Variants in GLI1 observed in about 807,000 individuals in gnomAD.
The protein encoded by GLI1 is GLI family zinc finger 1.
In GLI1, 51 loss-of-function variants were observed where a neutral mutation model predicts 87.8. The observed-to-expected ratio is 0.58, with a 90% confidence interval of 0.46 to 0.73. The LOEUF is 0.73. Among genes scored for constraint, GLI1 ranks in the 30% least tolerant of loss-of-function variants. The pLI, the probability that GLI1 is intolerant of heterozygous loss-of-function variation, is 0.00. For missense variants in GLI1, 1,292 were observed against 1,437.2 expected, an observed-to-expected ratio of 0.90 and a Z score of 1.63; for synonymous variants, 528 against 558.2, an observed-to-expected ratio of 0.95 and a Z score of 0.76.
At chr12:57,463,087 ACAGGCAAAGCTCCCACC>A (rs894190344) in intron 1 of GLI1, among the ~76,000 whole-genome samples, 18 of 152,180 alleles carry the variant, frequency 1.2e-4, no homozygotes, top group South Asian at 2.1e-4. Flanking sequence ...CACAGACCAC[ACAGGCAAAGCTCCCACC>A]CAGGCAAAGC....
intron 5 of GLI1, 162 bp from the exon 6 acceptor site, chr12:57,465,444 GC>G: frequency 1.4e-6 from 1 of 738,634 alleles, no homozygotes; most frequent in Non-Finnish European, 2.2e-6. Flanking sequence ...CCCACCTTTT[GC>G]CCATCCCATT....
chr12:57,462,109 T>G (rs1195890005), intron 1 of GLI1, among the ~76,000 whole-genome samples: 5 of 152,064 alleles, frequency 3.3e-5, no homozygotes, highest in African/African-American at 7.2e-5. Context: ...TGGGGGAGTC[T>G]CTAGTGTTTG....
Position 57,470,366 on chromosome 12 carries a change from C to T in GLI1, c.1626C>T (p.Arg542=), listed in dbSNP as rs1871794484. Residue 542 remains arginine, a synonymous_variant, in exon 12 of 12, where the codon CGC becomes CGT. Transcript: ENST00000228682. ...GCCCCCCAGTCTCTCTTGAACGCCG[C>T]AGCAGCAGCTCCAGCAGCATCAGCT... ...RVGPPVSLER[R]SSSSSSISSA... The T allele has an allele frequency of 6.2e-6, 10 of 1,608,926 alleles. No individual in the cohort carries two copies. Among genetic ancestry groups the T allele is most frequent in the Non-Finnish European group, 8.5e-6 (10 of 1,177,156 alleles).
At position 57,471,956 on chromosome 12, in the gene GLI1, A is replaced by C; in HGVS notation, c.3216A>C (p.Gly1072=). 2 of 1,609,134 alleles carry C rather than the reference A, an allele frequency of 1.2e-6. No individual in the cohort carries two copies. Among genetic ancestry groups the C allele is most frequent in the Non-Finnish European group, 1.7e-6 (2 of 1,177,626 alleles). The stretch of plus-strand genomic sequence containing the variant: ...CCCATGATCAGCGGGGCAGCTCTGG[A>C]CATACCCCACCTCCCTCTGGGCCCC... ...PPSHDQRGSS[G]HTPPPSGPPN... The change falls in exon 12 of 12, where the codon GGA becomes GGC. Residue 1072 remains glycine, a synonymous_variant. Transcript: ENST00000228682. This position sits in a 1 kb window ranked among gnomAD's most constrained non-coding sequence, Gnocchi z 4.9.
rs961554134 is a variant in GLI1 at position 57,469,329 on chromosome 12, C to T, written c.1309-102C>T. ...TAGCCCTTTCTACACTTACAAGCTT[C>T]CTTGGAACCCCAGCAGTCACTGGGA... On this transcript the variant is annotated intron_variant, in intron 10 of 11. Coordinates refer to ENST00000228682, the MANE Select transcript of GLI1 (RefSeq NM_005269.3). 2.6e-5 allele frequency: 31 copies of T among 1,205,556 alleles called. No individual in the cohort carries two copies. The African/African-American group carries it at 3.5e-4, about 13-fold the overall frequency. 74.7% of individuals were successfully genotyped at this position (1,205,556 alleles called of 1,614,324 possible).
Position 57,470,782 on chromosome 12 carries a change from C to T in GLI1, c.2042C>T (p.Pro681Leu), listed in dbSNP as rs974867444. The change falls in exon 12 of 12, where the codon CCA becomes CTA. Residue 681 changes from proline to leucine, a missense_variant. Pro to Leu is a moderately conservative substitution (Grantham distance 98). Around this residue, in one of 3 missense-constraint regions of GLI1, gnomAD observed 897 missense variants for 1,040.7 expected, o/e 0.86. Coordinates refer to ENST00000228682, the MANE Select transcript of GLI1 (RefSeq NM_005269.3). ...GGGQNFDPYL[P>L]TSVYSPQPPS... ...GGACAGAACTTTGATCCTTACCTCCCAACCTCTGTCTACTCACCACAGCCC... is the reference window on the plus strand; with the variant it reads ...GGACAGAACTTTGATCCTTACCTCCTAACCTCTGTCTACTCACCACAGCCC... The T allele has an allele frequency of 1.2e-6, 2 of 1,613,162 alleles. No individual in the cohort carries two copies. Among genetic ancestry groups the T allele is most frequent in the Non-Finnish European group, 1.7e-6 (2 of 1,179,624 alleles).
rs572499706 is a variant in GLI1, at chr12:57,469,655, A to G, written c.1533A>G (p.Pro511=). The G allele has an allele frequency of 2.5e-6, 4 of 1,613,976 alleles. No homozygotes were observed. Among genetic ancestry groups the G allele is most frequent in the East Asian group, 4.5e-5 (2 of 44,886 alleles). ...LRLDQLHQLR[P]IGTRGLKLPS... is the part of the protein sequence containing the mutation. ...TGGACCAGCTACATCAACTCCGGCC[A>G]ATAGGGACCCGGGGTCTCAAACTGC... is the stretch of plus-strand genomic sequence containing the variant. Residue 511 remains proline (P), a synonymous_variant, in exon 11 of 12, where the codon CCA becomes CCG. Coordinates refer to ENST00000228682, the MANE Select transcript of GLI1 (RefSeq NM_005269.3).
chr12:57,471,281 C>G lies in GLI1; in HGVS notation c.2541C>G (p.Leu847=). The part of the protein sequence containing the change: ...PSEGPPHPQP[L]FSHYPQPSPP... ...AGGGGCCCCCACATCCACAGCCTCT[C>G]TTTTCCCATTACCCCCAGCCCTCTC... Residue 847 remains leucine (L), a synonymous_variant, in exon 12 of 12, where the codon CTC becomes CTG. Transcript: ENST00000228682. This position sits in a 1 kb window ranked among gnomAD's most constrained non-coding sequence, Gnocchi z 4.9. The G allele has an allele frequency of 6.3e-7, 1 of 1,592,904 alleles. No homozygotes were observed. The highest frequency in any genetic ancestry group is 8.5e-7 in the Non-Finnish European group (1 of 1,169,686).
chr12:57,459,922 G>C lies in GLI1; in HGVS notation c.-307G>C, dbSNP rs1019409876. Among the ~76,000 whole-genome samples, 1 of 152,174 alleles carries C rather than the reference G, an allele frequency of 6.6e-6. No individual in the cohort carries two copies. The highest frequency in any genetic ancestry group is 2.4e-5 in the African/African-American group (1 of 41,440). The stretch of plus-strand genomic sequence containing the variant: ...CGGCAAGAGGGAGGGAAATAGAAGG[G>C]AGGTGAGGGGCGAGCGGGAAGAGCG... On this transcript the variant is annotated 5_prime_UTR_variant, in exon 1 of 12. Transcript: ENST00000228682.
chr12:57,468,141 A>C lies in GLI1; in HGVS notation c.1225A>C (p.Ile409Leu), dbSNP rs76639319. 1 of 1,614,176 alleles carries C rather than the reference A, an allele frequency of 6.2e-7. No homozygotes were observed. The highest frequency in any genetic ancestry group is 1.3e-5 in the African/African-American group (1 of 75,040). ...GDGPLPRAPS[I>L]STVEPKRERE... The stretch of plus-strand genomic sequence containing the variant: ...TGGCCCCCTGCCTCGGGCACCATCC[A>C]TTTCTACAGTGGAGCCCAAGAGGGA... Residue 409 changes from isoleucine (I) to leucine (L), a missense_variant, in exon 10 of 12, where the codon ATT becomes CTT. Ile to Leu is a conservative substitution (Grantham distance 5, BLOSUM62 2). Coordinates refer to ENST00000228682, the MANE Select transcript of GLI1 (RefSeq NM_005269.3).
At chr12:57,469,031 C>T (rs572825130) in intron 10 of GLI1, among the ~76,000 whole-genome samples, 3 of 152,268 alleles carry the variant, frequency 2.0e-5, no homozygotes, top group South Asian at 2.1e-4. Context: ...GGATTACAGG[C>T]GTGAGCCACT....
chr12:57,469,448 T>C lies in GLI1; in HGVS notation c.1326T>C (p.Pro442=). 2.5e-6 allele frequency: 4 copies of C among 1,613,938 alleles called. No homozygotes were observed. Among genetic ancestry groups the C allele is most frequent in the Non-Finnish European group, 3.4e-6 (4 of 1,180,000 alleles). The change falls in exon 11 of 12, where the codon CCT becomes CCC. Residue 442 remains proline, a synonymous_variant. Transcript: ENST00000228682. ...PEGAMKPQPS[P]GAQSSCSSDH... Reference sequence around the variant, plus strand: ...CTCCACAGAAGCCACAGCCAAGCCCTGGGGCCCAGTCATCCTGCAGCAGTG... The same window carrying C: ...CTCCACAGAAGCCACAGCCAAGCCCCGGGGCCCAGTCATCCTGCAGCAGTG...
intron 4 of GLI1, 76 bp downstream of exon 4, chr12:57,464,944 C>A: frequency 7.7e-7 from 1 of 1,291,090 alleles, no homozygotes. Context: ...CCTCAAACTA[C>A]CTAACCCTAT....
At chr12:57,468,636 C>T (rs1391810341) in intron 10 of GLI1, among the ~76,000 whole-genome samples, 5 of 151,958 alleles carry the variant, frequency 3.3e-5, no homozygotes, top group African/African-American at 1.2e-4. Context: ...GCTAATTTTT[C>T]TTCTTTTTAG....
Position 57,466,303 on chromosome 12 carries a change from T to C in GLI1, c.826T>C (p.Ser276Pro). ...GTTCGTGTGCCACTGGGGGGGCTGC[T>C]CCAGGGAGCTGAGGCCCTTCAAAGC... ...KEFVCHWGGC[S>P]RELRPFKAQY... is the part of the protein sequence containing the mutation. Residue 276 changes from serine to proline, a missense_variant, in exon 8 of 12, where the codon TCC becomes CCC. By Grantham distance (74) the Ser-to-Pro change is moderately conservative. Transcript: ENST00000228682. The C allele has an allele frequency of 6.2e-7, 1 of 1,613,920 alleles. No homozygotes were observed. The highest frequency in any genetic ancestry group is 8.5e-7 in the Non-Finnish European group (1 of 1,179,908).
At chr12:57,465,293 T>C in intron 5 of GLI1, 38 bp downstream of exon 5, 1 of 1,329,206 alleles carries the variant, frequency 7.5e-7, no homozygotes, top group Non-Finnish European at 1.1e-6. Flanking sequence ...TTCCCTCAGC[T>C]CAGGGTGGGT....
Position 57,463,981 on chromosome 12 carries a change from G to C in GLI1, c.101-18G>C. 1 of 1,578,658 alleles carries C rather than the reference G, an allele frequency of 6.3e-7. No individual in the cohort carries two copies. Among genetic ancestry groups the C allele is most frequent in the Non-Finnish European group, 8.7e-7 (1 of 1,147,796 alleles). ...TTATGTATCCTCCATTCCCATTCCA[G>C]CTGTCTCTTTTTTCTAGGACTGTCT... On this transcript the variant is annotated intron_variant, in intron 2 of 11. Coordinates refer to ENST00000228682, the MANE Select transcript of GLI1 (RefSeq NM_005269.3).
rs1482594138 is a variant in GLI1 at position 57,459,818 on chromosome 12, G to A, written c.-411G>A. Among the ~76,000 whole-genome samples the A allele has an allele frequency of 6.6e-6, 1 of 150,758 alleles. No homozygotes were observed. The highest frequency in any genetic ancestry group is 1.5e-5 in the Non-Finnish European group (1 of 67,618). On this transcript the variant is annotated 5_prime_UTR_variant, in exon 1 of 12. Coordinates refer to ENST00000228682, the MANE Select transcript of GLI1 (RefSeq NM_005269.3). Reference sequence around the variant, plus strand: ...TATAGGGTCCCTCAAGGGAGGGGGAGGATCCTGGGGGTCCTGGGGGTGCAA... The same window carrying A: ...TATAGGGTCCCTCAAGGGAGGGGGAAGATCCTGGGGGTCCTGGGGGTGCAA...
rs915631630 is a variant in GLI1 at position 57,470,589 on chromosome 12, A to T, written c.1849A>T (p.Met617Leu). The change falls in exon 12 of 12, where the codon ATG (methionine) becomes TTG (leucine). Residue 617 changes from methionine to leucine, a missense_variant. Met to Leu is a conservative substitution (Grantham distance 15). Around this residue, in one of 3 missense-constraint regions of GLI1, gnomAD observed 897 missense variants for 1,040.7 expected, o/e 0.86. Coordinates refer to ENST00000228682, the MANE Select transcript of GLI1 (RefSeq NM_005269.3). Reference protein sequence around the residue: ...SSLDRIGGLPMPPWRSRAEYP... With the variant: ...SSLDRIGGLPLPPWRSRAEYP... ...CCTGGATCGGATAGGTGGTCTTCCC[A>T]TGCCTCCTTGGAGAAGCCGAGCCGA... 4 of 1,613,914 alleles carry T rather than the reference A, an allele frequency of 2.5e-6. No homozygotes were observed. The highest frequency in any genetic ancestry group is 1.7e-5 in the Admixed American group (1 of 59,996).
Sources: gnomAD v4.1 joint callset for allele counts (sites outside exome capture counted in the v4.1 genomes callset) on GRCh38, gnomAD v4.1.1 for gene constraint, gnomAD v4.1.1 regional missense constraint, Gnocchi (gnomAD v3.1) non-coding constraint, MANE v1.5 for transcripts, NCBI Gene and HGNC (gene_info 2026-07-23, HGNC 2026-07-21) for gene names.